Variants in LRRC3C observed in about 807,000 individuals in gnomAD.
LRRC3C encodes the protein leucine-rich repeat-containing protein 3C.
LRRC3C carries 11 observed loss-of-function variants against 14.8 expected under a neutral mutation model. The ratio of observed to expected loss-of-function variants is 0.74; its 90% CI spans 0.47 to 1.23. The LOEUF (loss-of-function observed/expected upper bound fraction) is 1.23, where lower values mean the gene tolerates loss of function less well. LRRC3C is among the 50% of genes most tolerant of loss of function. The pLI, the probability that LRRC3C is intolerant of heterozygous loss-of-function variation, is 0.00. For synonymous variants in LRRC3C, 149 were observed against 161.5 expected, an observed-to-expected ratio of 0.92 and a Z score of 0.59; for missense variants, 354 against 361.8, an observed-to-expected ratio of 0.98 and a Z score of 0.18.
intron 1 of LRRC3C, among the ~76,000 whole-genome samples, chr17:39,930,202 C>A (rs772322445): frequency 3.5e-5 from 5 of 142,558 alleles, no homozygotes; most frequent in Non-Finnish European, 6.0e-5. Flanking sequence ...CAATTGAGCC[C>A]GGGAGGTCAA....
chr17:39,931,049 G>A (rs1269473463), intron 1 of LRRC3C, among the ~76,000 whole-genome samples: 3 of 151,396 alleles, frequency 2.0e-5, no homozygotes, highest in South Asian at 4.2e-4. Context: ...GGCTGAGGCA[G>A]GAGAATCGCT....
At position 39,930,396 on chromosome 17, in the gene LRRC3C, TAAAAAAAAA is replaced by T. The variant is rs34932103; in HGVS notation, c.-175+2603_-175+2611del. 7.9e-3 allele frequency among the ~76,000 whole-genome samples: 385 copies of T among 48,634 alleles called. 4 individuals carry two copies. The highest frequency in any genetic ancestry group is 0.056 in the Middle Eastern group (3 of 54). 31.9% of individuals were successfully genotyped at this position (48,634 alleles called of 152,430 possible). A position where few individuals can be genotyped will look rare whatever the true frequency, so the allele number is the denominator to read the frequency against. The stretch of plus-strand genomic sequence containing the variant: ...GATCCTGATTCAAGCAAACTGACTT[TAAAAAAAAA>T]AAAAAAAAAAAAAAAAAAAAGGCCG... On this transcript the variant is annotated intron_variant, in intron 1 of 3. Transcript: ENST00000377924.
At chr17:39,935,595 A>G (rs1978775658) in intron 1 of LRRC3C, among the ~76,000 whole-genome samples, 1 of 149,668 alleles carries the variant, frequency 6.7e-6, no homozygotes. Flanking sequence ...TGAGGCTGCA[A>G]GTGAGCTGTG....
At chr17:39,942,502 G>A (rs1978965719) in intron 3 of LRRC3C, among the ~76,000 whole-genome samples, 1 of 148,422 alleles carries the variant, frequency 6.7e-6, no homozygotes. Context: ...ACCTGAGTCA[G>A]TTCTCATCCA....
chr17:39,928,645 C>G (rs1019782276), intron 1 of LRRC3C, among the ~76,000 whole-genome samples: 7 of 152,206 alleles, frequency 4.6e-5, no homozygotes, highest in Non-Finnish European at 1.0e-4. Flanking sequence ...TAAGTCCACT[C>G]TATGCAGGGC....
chr17:39,932,220 C>T (rs1978668709), intron 1 of LRRC3C, among the ~76,000 whole-genome samples: 1 of 152,016 alleles, frequency 6.6e-6, no homozygotes, highest in Non-Finnish European at 1.5e-5. Flanking sequence ...ATGAAGATGG[C>T]GATGATCATG....
intron 1 of LRRC3C, among the ~76,000 whole-genome samples, chr17:39,935,033 C>T (rs1387322795): frequency 6.6e-6 from 1 of 152,184 alleles, no homozygotes; most frequent in Non-Finnish European, 1.5e-5. Flanking sequence ...TTTACTGCAA[C>T]CTGGTTTATC....
chr17:39,944,512 G>A lies in LRRC3C; in HGVS notation c.606G>A (p.Leu202=), dbSNP rs1030248700. Residue 202 remains leucine (L), a synonymous_variant, in exon 4 of 4, where the codon CTG becomes CTA. Transcript: ENST00000377924. The stretch of plus-strand genomic sequence containing the variant: ...ACCTCGTGGGGCAGGAGTTCCTGCT[G>A]CTGGCAGGGGAGGAAGAGCTGTGTG... ...RPDLVGQEFL[L]LAGEEELCGS... 2.7e-5 allele frequency: 41 copies of A among 1,493,488 alleles called. No homozygotes were observed. In the Middle Eastern group the frequency reaches 5.2e-4, roughly 19 times the overall value. 92.5% of individuals were successfully genotyped at this position (1,493,488 alleles called of 1,614,324 possible).
chr17:39,937,662 T>C (rs1598293875), intron 2 of LRRC3C, among the ~76,000 whole-genome samples: 2 of 152,320 alleles, frequency 1.3e-5, no homozygotes, highest in Non-Finnish European at 2.9e-5. Context: ...CTCCACCTGA[T>C]TAACCCAGCC....
chr17:39,927,946 G>A, intron 1 of LRRC3C, 132 bp downstream of exon 1: 1 of 860,326 alleles, frequency 1.2e-6, no homozygotes, highest in Non-Finnish European at 1.4e-6. Flanking sequence ...AGACTGGATC[G>A]AAACCCAAAT....
At position 39,944,720 on chromosome 17, in the gene LRRC3C, A is replaced by G; in HGVS notation, c.814A>G (p.Ser272Gly). The G allele has an allele frequency of 6.5e-7, 1 of 1,535,806 alleles. No individual in the cohort carries two copies. Among genetic ancestry groups the G allele is most frequent in the African/African-American group, 1.4e-5 (1 of 73,046 alleles). ...PVRSEDSSIL[S>G]TVV ...GCGTTCCGAGGACTCCTCCATCCTC[A>G]GCACAGTGGTCTGATGACCCAGGAT... Residue 272 changes from serine to glycine, a missense_variant, in exon 4 of 4, where the codon AGC becomes GGC. Transcript: ENST00000377924.
chr17:39,929,645 ATTC>A (rs752582192), intron 1 of LRRC3C, among the ~76,000 whole-genome samples: 1 of 152,120 alleles, frequency 6.6e-6, no homozygotes, highest in African/African-American at 2.4e-5. Context: ...AAGCTGAAAA[ATTC>A]TTCTTGCCTC....
chr17:39,927,820 T>C lies in LRRC3C; in HGVS notation c.-175+6T>C. On this transcript the variant is annotated splice_donor_region_variant and intron_variant, in intron 1 of 3. Coordinates refer to ENST00000377924, the MANE Select transcript of LRRC3C (RefSeq NM_001195545.2). ...GATCGGATGATAGAATTTTGGTGCG[T>C]AACAATTCCAACTTTTGCTTCTGTG... 1.0e-6 allele frequency: 1 copy of C among 985,528 alleles called. No homozygotes were observed. The highest frequency in any genetic ancestry group is 1.2e-6 in the Non-Finnish European group (1 of 829,964). 61.0% of individuals were successfully genotyped at this position (985,528 alleles called of 1,614,324 possible). A position where few individuals can be genotyped will look rare whatever the true frequency, so the allele number is the denominator to read the frequency against.
chr17:39,934,976 G>A (rs149815891), intron 1 of LRRC3C, among the ~76,000 whole-genome samples: 96 of 152,148 alleles, frequency 6.3e-4, no homozygotes, highest in African/African-American at 2.0e-3. Context: ...GACCACCAGC[G>A]GTCACTCTCA....
chr17:39,935,713 A>G (rs1483570224), intron 1 of LRRC3C, 89 bp from the exon 2 acceptor site: 2 of 563,804 alleles, frequency 3.5e-6, no homozygotes, highest in Non-Finnish European at 2.2e-6. Flanking sequence ...TACACAGTAC[A>G]TGCTCAGATA....
At chr17:39,932,385 A>T (rs1269409441) in intron 1 of LRRC3C, among the ~76,000 whole-genome samples, 1 of 152,146 alleles carries the variant, frequency 6.6e-6, no homozygotes, top group Non-Finnish European at 1.5e-5. Context: ...CTACTTTACT[A>T]GGTTATGGAA....
chr17:39,933,024 C>T (rs1264565424), intron 1 of LRRC3C, among the ~76,000 whole-genome samples: 1 of 151,720 alleles, frequency 6.6e-6, no homozygotes, highest in African/African-American at 2.4e-5. Flanking sequence ...TTTACTCCAG[C>T]CTGGGCAACA....
intron 1 of LRRC3C, among the ~76,000 whole-genome samples, chr17:39,934,303 A>T (rs1978738000): frequency 6.6e-6 from 1 of 152,200 alleles, no homozygotes; most frequent in Non-Finnish European, 1.5e-5. Flanking sequence ...GCAGTTAGAA[A>T]ACTGAAAATA....
At chr17:39,942,116 C>T (rs542232346) in intron 3 of LRRC3C, among the ~76,000 whole-genome samples, 5 of 152,262 alleles carry the variant, frequency 3.3e-5, no homozygotes, top group South Asian at 4.2e-4. Flanking sequence ...AAAAGCCTGG[C>T]GTGGGTAATG....
Sources: gnomAD v4.1 joint callset for allele counts (sites outside exome capture counted in the v4.1 genomes callset) on GRCh38, gnomAD v4.1.1 for gene constraint, MANE v1.5 for transcripts, NCBI Gene and HGNC (gene_info 2026-07-23, HGNC 2026-07-21) for gene names.